The following GRAMD4 variants were observed in gnomAD, a reference collection of about 807,000 sequenced individuals.
GRAMD4 encodes GRAM domain containing 4.
In GRAMD4, 25 loss-of-function variants were observed where a neutral mutation model predicts 83.9. That is an observed-to-expected ratio of 0.30 (90% CI 0.22 to 0.42). The LOEUF (loss-of-function observed/expected upper bound fraction) is 0.42, where lower values mean the gene tolerates loss of function less well. GRAMD4 is among the 10% of genes least tolerant of loss of function. The pLI, the probability that GRAMD4 is intolerant of heterozygous loss-of-function variation, is 1.00. For missense variants in GRAMD4, 593 were observed against 788.7 expected (o/e 0.75, Z 2.97); for synonymous variants, 336 against 320.9 (o/e 1.05, Z -0.50).
At chr22:46,625,410 C>T (rs2081642889) in intron 1 of GRAMD4, among the ~76,000 whole-genome samples, 1 of 152,242 alleles carries the variant, frequency 6.6e-6, no homozygotes, top group Non-Finnish European at 1.5e-5. Flanking sequence ...GCTCTCAGTG[C>T]TTCCTTGCCA....
chr22:46,633,076 A>T (rs1030694158), intron 2 of GRAMD4, among the ~76,000 whole-genome samples: 1 of 152,134 alleles, frequency 6.6e-6, no homozygotes, highest in Non-Finnish European at 1.5e-5. Context: ...CTCTTCTCCA[A>T]CTCAGCCTCC....
At chr22:46,598,288 C>T (rs55653930) in intron 1 of GRAMD4, among the ~76,000 whole-genome samples, 31,452 of 151,932 alleles carry the variant, frequency 0.21, 3,817 homozygotes, top group East Asian at 0.33. Context: ...GGCTGGGTGG[C>T]GTTTTTTTGG....
chr22:46,587,865 C>T (rs778364427), intron 1 of GRAMD4: 79 of 979,374 alleles, frequency 8.1e-5, no homozygotes, highest in Admixed American at 2.5e-4. Context: ...GCCAGAAGCC[C>T]GGGCGTCGGG....
chr22:46,678,326 G>A lies in GRAMD4; in HGVS notation c.*1075G>A. 1 of 985,514 alleles carries A rather than the reference G, an allele frequency of 1.0e-6. No individual in the cohort carries two copies. Among genetic ancestry groups the A allele is most frequent in the Admixed American group, 6.1e-5 (1 of 16,296 alleles). 61.0% of individuals were successfully genotyped at this position (985,514 alleles called of 1,614,324 possible). A position where few individuals can be genotyped will look rare whatever the true frequency, so the allele number is the denominator to read the frequency against. ...GAGCCCAGAGGCCTGGGCCTGCACT[G>A]CCTGCAGCCGACATGCGACAGCGTT... On this transcript the variant is annotated 3_prime_UTR_variant, in exon 19 of 19. Transcript: ENST00000406902.
rs888946811 is a variant in GRAMD4 at position 46,679,277 on chromosome 22, G to A, written c.*2026G>A. Reference sequence around the variant, plus strand: ...CTGGGGCAGATGGGGCTTTACCAGCGTCGGGTGGTTTAGTTCGAGTCCCTT... The same window carrying A: ...CTGGGGCAGATGGGGCTTTACCAGCATCGGGTGGTTTAGTTCGAGTCCCTT... On this transcript the variant is annotated 3_prime_UTR_variant, in exon 19 of 19. Coordinates refer to ENST00000406902, the MANE Select transcript of GRAMD4 (RefSeq NM_015124.5). The A allele has an allele frequency of 3.6e-5, 35 of 985,354 alleles. No homozygotes were observed. Among genetic ancestry groups the A allele is most frequent in the South Asian group, 1.9e-4 (4 of 21,296 alleles). 61.0% of individuals were successfully genotyped at this position (985,354 alleles called of 1,614,324 possible).
At chr22:46,660,600 A>T (rs1192984056) in intron 4 of GRAMD4, among the ~76,000 whole-genome samples, 6 of 152,122 alleles carry the variant, frequency 3.9e-5, no homozygotes, top group African/African-American at 1.4e-4. Flanking sequence ...AATTCTCAGA[A>T]AGTCACCTTG....
In GRAMD4 at chr22:46,679,595, G is replaced by C; in HGVS notation, c.*2344G>C. On this transcript the variant is annotated 3_prime_UTR_variant, in exon 19 of 19. Coordinates refer to ENST00000406902, the MANE Select transcript of GRAMD4 (RefSeq NM_015124.5). The stretch of plus-strand genomic sequence containing the variant: ...GTTAAATTTTTTATGTCTGAAGCCT[G>C]AGTCTATTTTGGATCTGTAAATAAT... 1 of 983,892 alleles carries C rather than the reference G, an allele frequency of 1.0e-6. No individual in the cohort carries two copies. Among genetic ancestry groups the C allele is most frequent in the South Asian group, 4.7e-5 (1 of 21,254 alleles). 60.9% of individuals were successfully genotyped at this position (983,892 alleles called of 1,614,324 possible). A position where few individuals can be genotyped will look rare whatever the true frequency, so the allele number is the denominator to read the frequency against.
chr22:46,588,676 C>T (rs530730721), intron 1 of GRAMD4, among the ~76,000 whole-genome samples: 13 of 152,290 alleles, frequency 8.5e-5, no homozygotes, highest in African/African-American at 2.6e-4. Context: ...CCCACCCTTT[C>T]GTCCGTCCTC....
chr22:46,661,577 G>A, intron 5 of GRAMD4, 135 bp downstream of exon 5: 2 of 671,966 alleles, frequency 3.0e-6, no homozygotes, highest in Non-Finnish European at 5.2e-6. Flanking sequence ...GCAGGTGCTG[G>A]TTCTGTGCCC....
intron 1 of GRAMD4, among the ~76,000 whole-genome samples, chr22:46,609,314 G>A (rs2081395549): frequency 6.6e-6 from 1 of 152,216 alleles, no homozygotes; most frequent in Non-Finnish European, 1.5e-5. Flanking sequence ...AAACACGGAA[G>A]GTGTTCCGCA....
intron 2 of GRAMD4, among the ~76,000 whole-genome samples, chr22:46,628,965 T>TA (rs1266023546): frequency 2.1e-4 from 32 of 151,542 alleles, no homozygotes; most frequent in African/African-American, 7.5e-4. Flanking sequence ...GTCCACGAGG[T>TA]ACAAGGGGGC....
chr22:46,675,730 C>G (rs1259801328), intron 17 of GRAMD4, among the ~76,000 whole-genome samples, 178 bp downstream of exon 17: 3 of 152,192 alleles, frequency 2.0e-5, no homozygotes, highest in Admixed American at 6.5e-5. Flanking sequence ...GTGGGTCTGC[C>G]CCTGCCCTGG....
intron 1 of GRAMD4, among the ~76,000 whole-genome samples, chr22:46,592,737 T>G (rs1336596537): frequency 6.6e-6 from 1 of 152,162 alleles, no homozygotes; most frequent in Non-Finnish European, 1.5e-5. Context: ...GCTGATTTGT[T>G]GGCTGACACC....
In GRAMD4 at chr22:46,677,545, G is replaced by A; in HGVS notation, c.*294G>A. 1 of 1,176,838 alleles carries A rather than the reference G, an allele frequency of 8.5e-7. No individual in the cohort carries two copies. Among genetic ancestry groups the A allele is most frequent in the Non-Finnish European group, 1.1e-6 (1 of 946,378 alleles). 72.9% of individuals were successfully genotyped at this position (1,176,838 alleles called of 1,614,324 possible). On this transcript the variant is annotated 3_prime_UTR_variant, in exon 19 of 19. Coordinates refer to ENST00000406902, the MANE Select transcript of GRAMD4 (RefSeq NM_015124.5). ...CGGGGGCCCGTGGAGAAGACACACA[G>A]GACCCCTGGCCCTGCCCTTCTCCGT...
In GRAMD4 at chr22:46,626,852, T is replaced by G; in HGVS notation, c.53T>G (p.Phe18Cys). 6 of 1,613,852 alleles carry G rather than the reference T, an allele frequency of 3.7e-6. No homozygotes were observed. Among genetic ancestry groups the G allele is most frequent in the Non-Finnish European group, 5.1e-6 (6 of 1,179,760 alleles). The change falls in exon 2 of 19, where the codon TTC becomes TGC. Residue 18 changes from phenylalanine to cysteine, a missense_variant. This residue lies in a region of GRAMD4 where 312 missense variants were observed against 350.7 expected (regional missense o/e 0.89). Transcript: ENST00000406902. ...IRFRGHKRDDFLDLAESPNAS... is the reference protein window; with the variant it reads ...IRFRGHKRDDCLDLAESPNAS... ...TTCAGAGGTCACAAGAGAGATGACT[T>G]CCTCGATCTAGCGGAGTCTCCAAAT...
rs544242173 is a variant in GRAMD4, at chr22:46,678,572, T to G, written c.*1321T>G. 7.8e-4 allele frequency: 765 copies of G among 985,390 alleles called. 1 individual carries two copies. The highest frequency in any genetic ancestry group is 8.7e-4 in the Non-Finnish European group (723 of 829,964). The allele number at this position is 985,390 out of a possible 1,614,324, so 61.0% of individuals were successfully genotyped here. On this transcript the variant is annotated 3_prime_UTR_variant, in exon 19 of 19. Coordinates refer to ENST00000406902, the MANE Select transcript of GRAMD4 (RefSeq NM_015124.5). The stretch of plus-strand genomic sequence containing the variant: ...CCACCCCGCGGGCCTGCGTGTCTGC[T>G]GGGGCGGATCCCGCAGCTCCCTCAG...
chr22:46,641,152 A>C (rs898880425), intron 3 of GRAMD4, among the ~76,000 whole-genome samples: 16 of 151,992 alleles, frequency 1.1e-4, no homozygotes, highest in Non-Finnish European at 1.3e-4. Context: ...GGCTCACTGT[A>C]ACCTTTGCCT....
At chr22:46,609,503 G>C (rs955189498) in intron 1 of GRAMD4, among the ~76,000 whole-genome samples, 1 of 152,230 alleles carries the variant, frequency 6.6e-6, no homozygotes, top group African/African-American at 2.4e-5. Flanking sequence ...CTTTTCACGG[G>C]AGGAGCTATT....
chr22:46,648,297 G>A (rs1161161403), intron 3 of GRAMD4, among the ~76,000 whole-genome samples: 1 of 151,936 alleles, frequency 6.6e-6, no homozygotes, highest in East Asian at 1.9e-4. Context: ...TGGATGGATG[G>A]GTTGATGAAC....
Sources: allele counts gnomAD v4.1 joint callset (sites outside exome capture counted in the v4.1 genomes callset), GRCh38; gene constraint gnomAD v4.1.1; regional missense constraint gnomAD v4.1.1; transcripts MANE v1.5; gene names NCBI Gene and HGNC (gene_info 2026-07-23, HGNC 2026-07-21).